The following PDE10A variants were observed in gnomAD, a reference collection of about 807,000 sequenced individuals.
The protein encoded by PDE10A is phosphodiesterase 10A.
A neutral mutation model predicts 97.7 loss-of-function variants in PDE10A; 39 were observed. That is an observed-to-expected ratio of 0.40 (90% confidence interval 0.31 to 0.52). The LOEUF is 0.52. PDE10A is among the 20% of genes least tolerant of loss of function. PDE10A has a pLI of 0.56. For synonymous variants in PDE10A, 371 were observed against 376.8 expected, an observed-to-expected ratio of 0.98 and a Z score of 0.18; for missense variants, 731 against 1,047.8, an observed-to-expected ratio of 0.70 and a Z score of 4.17.
intron 1 of PDE10A, among the ~76,000 whole-genome samples, chr6:165,555,289 T>C (rs1044485886): frequency 6.6e-6 from 1 of 152,102 alleles, no homozygotes; most frequent in African/African-American, 2.4e-5. Flanking sequence ...CATACACATA[T>C]ACACCTAGTA....
chr6:165,388,441 G>A lies in PDE10A; in HGVS notation c.2467C>T (p.Leu823=), dbSNP rs1028005735. 2 of 1,613,940 alleles carry A rather than the reference G, an allele frequency of 1.2e-6. No individual in the cohort carries two copies. Among genetic ancestry groups the A allele is most frequent in the African/African-American group, 2.7e-5 (2 of 74,922 alleles). The change falls in exon 17 of 22, where the codon CTG becomes TTG. Residue 823 remains leucine, a synonymous_variant. Transcript: ENST00000539869. This position sits in a 1 kb window ranked among gnomAD's most constrained non-coding sequence, Gnocchi z 4.0. ...AGGTCATGACACAGACACGCAATCA[G>A]CAGTCCTTTGCGCTTTAAAAAATAA... is the stretch of plus-strand genomic sequence containing the variant. ...LFTDLERKGL[L]IACLCHDLDH...
At chr6:165,784,172 A>G (rs956529654) in intron 1 of PDE10A, among the ~76,000 whole-genome samples, 6 of 151,774 alleles carry the variant, frequency 4.0e-5, no homozygotes, top group African/African-American at 1.5e-4. Flanking sequence ...GTGAGCCAAG[A>G]TGACACCACC....
intron 1 of PDE10A, among the ~76,000 whole-genome samples, chr6:165,631,126 G>C (rs1788609582): frequency 6.6e-6 from 1 of 152,236 alleles, no homozygotes; most frequent in South Asian, 2.1e-4. Flanking sequence ...GTGGCATTTT[G>C]CATTGCTCTC....
At chr6:165,854,461 C>T (rs909116060) in intron 1 of PDE10A, among the ~76,000 whole-genome samples, 1 of 152,132 alleles carries the variant, frequency 6.6e-6, no homozygotes, top group Non-Finnish European at 1.5e-5. Flanking sequence ...GCTGCGAGCC[C>T]CCAGGACGTC....
chr6:165,755,837 C>G (rs1793105032), intron 1 of PDE10A, among the ~76,000 whole-genome samples: 1 of 152,194 alleles, frequency 6.6e-6, no homozygotes, highest in East Asian at 1.9e-4. Flanking sequence ...GGGGATAGTT[C>G]TGAAGAAAGC....
chr6:165,537,541 A>C (rs1042942980), intron 2 of PDE10A, among the ~76,000 whole-genome samples: 1 of 152,022 alleles, frequency 6.6e-6, no homozygotes, highest in African/African-American at 2.4e-5. Flanking sequence ...ATAATTACTA[A>C]GTATTCATAA....
Position 165,435,145 on chromosome 6 carries a change from CTATT to C in PDE10A, c.1335+88_1335+91del. 11 of 1,138,290 alleles carry C rather than the reference CTATT, an allele frequency of 9.7e-6. No homozygotes were observed. The South Asian group carries it at 1.7e-4, about 18-fold the overall frequency. 70.5% of individuals were successfully genotyped at this position (1,138,290 alleles called of 1,614,324 possible). On this transcript the variant is annotated intron_variant, in intron 6 of 21. Coordinates refer to ENST00000539869, the MANE Select transcript of PDE10A (RefSeq NM_001385079.1). ...AGCTTTAATGCTTTTTAAAATGAAACTATTTAAATTATAACATCAAAATGATATG... is the reference window on the plus strand; with the variant it reads ...AGCTTTAATGCTTTTTAAAATGAAACTAAATTATAACATCAAAATGATATG...
At chr6:165,538,295 G>A (rs746709055) in intron 2 of PDE10A, among the ~76,000 whole-genome samples, 13 of 151,860 alleles carry the variant, frequency 8.6e-5, no homozygotes, top group Non-Finnish European at 1.8e-4. Context: ...AAGGTATCAG[G>A]CAGCACAAAT....
intron 13 of PDE10A, among the ~76,000 whole-genome samples, chr6:165,406,448 T>G (rs1006304183): frequency 6.6e-6 from 1 of 152,206 alleles, no homozygotes; most frequent in African/African-American, 2.4e-5. Context: ...ATAATTCTCC[T>G]TGGAAGTATG....
At chr6:165,892,502 CAGA>C (rs1218847148) in intron 1 of PDE10A, among the ~76,000 whole-genome samples, 5 of 152,208 alleles carry the variant, frequency 3.3e-5, no homozygotes, top group African/African-American at 1.2e-4. Context: ...CCGTCCTTAC[CAGA>C]AGGTGTCATG....
At chr6:165,349,489 G>A (rs979050360) in intron 18 of PDE10A, among the ~76,000 whole-genome samples, 13 of 152,216 alleles carry the variant, frequency 8.5e-5, no homozygotes, top group African/African-American at 2.9e-4. Context: ...GCATTCAAGG[G>A]AAAGCAGAGC....
intron 1 of PDE10A, among the ~76,000 whole-genome samples, chr6:165,731,744 T>C (rs1359938681): frequency 6.6e-6 from 1 of 152,180 alleles, no homozygotes; most frequent in Non-Finnish European, 1.5e-5. Flanking sequence ...GCCTAGGACT[T>C]AGTGAGTGCT....
intron 1 of PDE10A, among the ~76,000 whole-genome samples, chr6:165,923,666 C>T (rs1172059879): frequency 3.3e-5 from 5 of 152,112 alleles, no homozygotes; most frequent in Non-Finnish European, 5.9e-5. Context: ...GGTTAGGATG[C>T]TTTTACAAAA....
chr6:165,890,842 G>T (rs955434557), intron 1 of PDE10A, among the ~76,000 whole-genome samples: 1 of 152,190 alleles, frequency 6.6e-6, no homozygotes, highest in Non-Finnish European at 1.5e-5. Context: ...AAGAAACAAA[G>T]GCTGTAATTT....
intron 1 of PDE10A, chr6:165,781,927 T>C (rs1287847597): frequency 6.6e-6 from 1 of 152,246 alleles, no homozygotes; most frequent in African/African-American, 2.4e-5. Flanking sequence ...TAGAGAACTG[T>C]AAAATAATGA....
chr6:165,647,282 C>T (rs1789448420), intron 1 of PDE10A, among the ~76,000 whole-genome samples: 1 of 152,178 alleles, frequency 6.6e-6, no homozygotes, highest in Non-Finnish European at 1.5e-5. Context: ...TCCAGGCTCA[C>T]CTAAGGCCAC....
chr6:165,866,539 G>A (rs1433511904), intron 1 of PDE10A, among the ~76,000 whole-genome samples: 2 of 151,856 alleles, frequency 1.3e-5, no homozygotes, highest in African/African-American at 4.8e-5. Context: ...GCAAGTATGT[G>A]CTGCATTTAG....
chr6:165,805,123 G>C (rs1326379832), intron 1 of PDE10A, among the ~76,000 whole-genome samples: 4 of 149,094 alleles, frequency 2.7e-5, no homozygotes, highest in Admixed American at 2.7e-4. Context: ...GCGCATGGAG[G>C]GGAGCATGGA....
At chr6:165,965,013 G>A (rs1351163313) in intron 1 of PDE10A, among the ~76,000 whole-genome samples, 2 of 152,202 alleles carry the variant, frequency 1.3e-5, no homozygotes, top group Non-Finnish European at 1.5e-5. Flanking sequence ...ATGGGGTAGG[G>A]GCAAATAAAG....
Sources: gnomAD v4.1 joint callset for allele counts (sites outside exome capture counted in the v4.1 genomes callset) on GRCh38, gnomAD v4.1.1 for gene constraint, Gnocchi (gnomAD v3.1) non-coding constraint, MANE v1.5 for transcripts, NCBI Gene and HGNC (gene_info 2026-07-23, HGNC 2026-07-21) for gene names.